PCDHA1: variants seen among roughly 807,000 people sequenced by gnomAD.
The protein encoded by PCDHA1 is protocadherin alpha-1.
A neutral mutation model predicts 61.3 loss-of-function variants in PCDHA1; 42 were observed. The ratio of observed to expected loss-of-function variants is 0.69; its 90% CI spans 0.54 to 0.89. The LOEUF (loss-of-function observed/expected upper bound fraction) is 0.89, where lower values mean the gene tolerates loss of function less well. Ranked by LOEUF, PCDHA1 falls within the 40% of genes least tolerant of loss-of-function variation. The pLI is 0.00. For synonymous variants in PCDHA1, 610 were observed against 553.8 expected, an observed-to-expected ratio of 1.10 and a Z score of -1.43; for missense variants, 1,256 against 1,235.3, an observed-to-expected ratio of 1.02 and a Z score of -0.25.
At chr5:140,863,749 G>A (rs1346198553) in intron 1 of PCDHA1, 2 of 245,258 alleles carry the variant, frequency 8.2e-6, no homozygotes, top group African/African-American at 2.2e-5. Context: ...TTGTAATCCC[G>A]GCACTTTGGG....
intron 1 of PCDHA1, chr5:140,834,564 C>A: frequency 6.2e-7 from 1 of 1,614,090 alleles, no homozygotes; most frequent in Non-Finnish European, 8.5e-7. Context: ...GGAGCTGGTG[C>A]CGCGCCTGTT....
intron 1 of PCDHA1, chr5:140,849,234 T>C: frequency 2.9e-6 from 3 of 1,050,956 alleles, no homozygotes; most frequent in Non-Finnish European, 4.0e-6. Flanking sequence ...CAGAACCCTG[T>C]ATACGGTGAA....
At chr5:140,917,324 C>CGGGGGGGGG (rs1299895515) in intron 1 of PCDHA1, among the ~76,000 whole-genome samples, 1 of 76,048 alleles carries the variant, frequency 1.3e-5, no homozygotes, top group Non-Finnish European at 2.9e-5. Context: ...GTTCATGTGG[C>CGGGGGGGGG]GGGGGAGGGG....
chr5:140,978,233 AT>A (rs1360475808), intron 1 of PCDHA1, among the ~76,000 whole-genome samples: 2 of 152,196 alleles, frequency 1.3e-5, no homozygotes, highest in African/African-American at 4.8e-5. Context: ...TTTTTCTTGG[AT>A]TTCAGCTACT....
intron 1 of PCDHA1, among the ~76,000 whole-genome samples, chr5:140,960,614 G>A (rs1167351854): frequency 3.3e-5 from 5 of 152,130 alleles, no homozygotes; most frequent in African/African-American, 1.2e-4. Context: ...AATATCTAGT[G>A]TGTTTTTGAA....
chr5:140,970,270 T>C (rs2096394574), intron 1 of PCDHA1, among the ~76,000 whole-genome samples: 1 of 152,234 alleles, frequency 6.6e-6, no homozygotes, highest in Non-Finnish European at 1.5e-5. Context: ...TTTGATGAGA[T>C]GTAAAGTAGC....
At chr5:140,871,308 G>A (rs1554165414) in intron 1 of PCDHA1, 2 of 1,613,998 alleles carry the variant, frequency 1.2e-6, no homozygotes, top group Admixed American at 1.7e-5. Flanking sequence ...CGCCGGGGAA[G>A]CCCACGCTGG....
chr5:140,967,889 C>T, intron 1 of PCDHA1: 1 of 1,614,146 alleles, frequency 6.2e-7, no homozygotes, highest in Non-Finnish European at 8.5e-7. Context: ...TAGCCCAGTG[C>T]CTGAGAATGC....
intron 1 of PCDHA1, among the ~76,000 whole-genome samples, chr5:140,959,626 AAG>A (rs529579902): frequency 6.2e-4 from 95 of 152,334 alleles, no homozygotes; most frequent in African/African-American, 2.0e-3. Context: ...GATAGAAAAA[AAG>A]AGAGAAAAAA....
intron 1 of PCDHA1, among the ~76,000 whole-genome samples, chr5:140,974,807 A>T (rs2096641510): frequency 6.6e-6 from 1 of 152,202 alleles, no homozygotes; most frequent in Admixed American, 6.5e-5. Context: ...ATATACTAGA[A>T]GACCAATATG....
rs372335650 is a variant in PCDHA1 at position 140,796,474 on chromosome 5, T to C, written c.2394+7790T>C. The C allele has an allele frequency of 1.9e-3, 2,997 of 1,612,044 alleles. 69 individuals are homozygous for C. The South Asian group carries it at 0.031, about 17-fold the overall frequency. ...GGAGCGGCGGGTGGGCGAGCGCGCG[T>C]TGTCGAGCTACGTTTCGGTGCACGC... On this transcript the variant is annotated intron_variant, in intron 1 of 3. Transcript: ENST00000504120.
chr5:140,828,689 T>C (rs1769888255), intron 1 of PCDHA1: 3 of 1,614,072 alleles, frequency 1.9e-6, no homozygotes, highest in African/African-American at 1.3e-5. Flanking sequence ...AAAGAAATCC[T>C]TGGACAGAGA....
chr5:140,820,008 T>C (rs1766668534), intron 1 of PCDHA1, among the ~76,000 whole-genome samples: 2 of 152,032 alleles, frequency 1.3e-5, no homozygotes, highest in South Asian at 4.1e-4. Context: ...CTACTATAAT[T>C]TATTCCATAG....
chr5:140,798,315 C>A (rs190284106), intron 1 of PCDHA1, among the ~76,000 whole-genome samples: 318 of 152,024 alleles, frequency 2.1e-3, no homozygotes, highest in African/African-American at 7.4e-3. Flanking sequence ...GTAAAATAAC[C>A]CATTATTTGG....
In PCDHA1 at chr5:140,841,379, C is replaced by A. The variant is rs2150314416; in HGVS notation, c.2394+52695C>A. The A allele has an allele frequency of 9.9e-6, 16 of 1,613,486 alleles. No homozygotes were observed. In the African/African-American group the frequency reaches 2.1e-4, roughly 22 times the overall value. ...CTGGCGACTACTACTCTTGCTTCTG[C>A]TCCTCGCAGCCTGGAAGGTGGGGAG... On this transcript the variant is annotated intron_variant, in intron 1 of 3. Coordinates refer to ENST00000504120, the MANE Select transcript of PCDHA1 (RefSeq NM_018900.4).
At chr5:140,828,589 C>T (rs2150157148) in intron 1 of PCDHA1, 9 of 1,614,088 alleles carry the variant, frequency 5.6e-6, no homozygotes, top group Non-Finnish European at 7.6e-6. Flanking sequence ...GCTCAAATTC[C>T]ATCTTAACCT....
rs577838197 is a variant in PCDHA1, at chr5:140,982,551, A to G, written c.2530A>G (p.Ser844Gly). 28 of 1,614,198 alleles carry G rather than the reference A, an allele frequency of 1.7e-5. No individual in the cohort carries two copies. Among genetic ancestry groups the G allele is most frequent in the South Asian group, 1.2e-4 (11 of 91,088 alleles). The change falls in exon 3 of 4, where the codon AGT (serine) becomes GGT (glycine). Residue 844 changes from serine (S) to glycine (G), a missense_variant. Coordinates refer to ENST00000504120, the MANE Select transcript of PCDHA1 (RefSeq NM_018900.4). ...GPDQQWPTVS[S>G]ATPEPEAGEV... is the part of the protein sequence containing the mutation. ...TGATCAGCAGTGGCCAACAGTATCC[A>G]GTGCAACACCAGGTAAAGAGCTGGG... is the stretch of plus-strand genomic sequence containing the variant.
intron 1 of PCDHA1, chr5:140,805,597 T>A: frequency 1.1e-6 from 1 of 927,664 alleles, no homozygotes; most frequent in Non-Finnish European, 1.3e-6. Context: ...TGTCTTTATA[T>A]ATTAAATTTC....
intron 1 of PCDHA1, among the ~76,000 whole-genome samples, chr5:140,956,385 T>C (rs1313427005): frequency 6.6e-6 from 1 of 152,198 alleles, no homozygotes; most frequent in Non-Finnish European, 1.5e-5. Flanking sequence ...ATCGAAGGCC[T>C]TTTCTGAATC....
Sources: gnomAD v4.1 joint callset for allele counts (sites outside exome capture counted in the v4.1 genomes callset) on GRCh38, gnomAD v4.1.1 for gene constraint, MANE v1.5 for transcripts, NCBI Gene and HGNC (gene_info 2026-07-23, HGNC 2026-07-21) for gene names.